MAGI1: variants seen among roughly 807,000 people sequenced by gnomAD.
MAGI1 encodes the protein membrane associated guanylate kinase, WW and PDZ domain containing 1, also known as membrane-associated guanylate kinase, WW and PDZ domain-containing protein 1.
MAGI1 carries 58 observed loss-of-function variants against 139.9 expected under a neutral mutation model. The observed-to-expected ratio is 0.41, with a 90% CI of 0.34 to 0.52. MAGI1 has a LOEUF of 0.52. Ranked by LOEUF, MAGI1 falls within the 20% of genes least tolerant of loss-of-function variation. The pLI is 0.12. For missense variants in MAGI1, 1,874 were observed against 1,901.6 expected, an observed-to-expected ratio of 0.99 and a Z score of 0.27; for synonymous variants, 812 against 737.9, an observed-to-expected ratio of 1.10 and a Z score of -1.63.
intron 5 of MAGI1, among the ~76,000 whole-genome samples, chr3:65,457,126 A>G (rs1170670096): frequency 6.6e-6 from 1 of 152,168 alleles, no homozygotes; most frequent in Non-Finnish European, 1.5e-5. Flanking sequence ...CTGTATATCC[A>G]TTTGGGGAGC....
intron 4 of MAGI1, among the ~76,000 whole-genome samples, chr3:65,478,018 A>G (rs1485310647): frequency 6.6e-6 from 1 of 152,076 alleles, no homozygotes; most frequent in African/African-American, 2.4e-5. Context: ...GAATGCATAT[A>G]TAGATATAAT....
chr3:65,749,220 G>C (rs975229983), intron 1 of MAGI1, among the ~76,000 whole-genome samples: 1 of 152,118 alleles, frequency 6.6e-6, no homozygotes, highest in Non-Finnish European at 1.5e-5. Flanking sequence ...TGAAGAGAGT[G>C]CCCAATGTCT....
chr3:65,806,647 C>T (rs2040872503), intron 1 of MAGI1, among the ~76,000 whole-genome samples: 1 of 152,172 alleles, frequency 6.6e-6, no homozygotes, highest in Non-Finnish European at 1.5e-5. Context: ...CTCAGTTAAA[C>T]TCCTTTAAAT....
intron 2 of MAGI1, among the ~76,000 whole-genome samples, chr3:65,516,925 T>C (rs1195689771): frequency 6.6e-6 from 1 of 150,656 alleles, no homozygotes; most frequent in Non-Finnish European, 1.5e-5. Context: ...AGACGGGGTT[T>C]CACCGTTTTA....
chr3:65,360,007 C>A, intron 22 of MAGI1: 1 of 985,324 alleles, frequency 1.0e-6, no homozygotes, highest in Non-Finnish European at 1.2e-6. Flanking sequence ...AAAATACTTC[C>A]CCTGTGGTTG....
At chr3:65,715,691 A>G (rs2032150212) in intron 1 of MAGI1, among the ~76,000 whole-genome samples, 1 of 152,228 alleles carries the variant, frequency 6.6e-6, no homozygotes, top group African/African-American at 2.4e-5. Context: ...AAGCAGATTT[A>G]TCACTTCTCT....
chr3:65,984,115 G>T (rs2065744036), intron 1 of MAGI1, among the ~76,000 whole-genome samples: 1 of 152,110 alleles, frequency 6.6e-6, no homozygotes, highest in Non-Finnish European at 1.5e-5. Flanking sequence ...CCAAGATGGT[G>T]AAACCCCATC....
intron 4 of MAGI1, 38 bp from the exon 5 acceptor site, chr3:65,470,522 A>G: frequency 5.0e-6 from 5 of 1,002,384 alleles, no homozygotes; most frequent in Non-Finnish European, 6.9e-6. Flanking sequence ...AGAGAGAGAG[A>G]GAAAAAAAAA....
intron 5 of MAGI1, among the ~76,000 whole-genome samples, chr3:65,462,196 G>A (rs1356631127): frequency 6.6e-6 from 1 of 152,146 alleles, no homozygotes; most frequent in African/African-American, 2.4e-5. Flanking sequence ...CTTTGCCCAT[G>A]CCTATGTCCG....
At chr3:65,480,725 A>G (rs1951228126) in intron 3 of MAGI1, among the ~76,000 whole-genome samples, 1 of 151,616 alleles carries the variant, frequency 6.6e-6, no homozygotes, top group Non-Finnish European at 1.5e-5. Flanking sequence ...AGCTGGAACT[A>G]TAGGCATGCA....
At chr3:65,901,533 A>G (rs933249272) in intron 1 of MAGI1, among the ~76,000 whole-genome samples, 13 of 152,202 alleles carry the variant, frequency 8.5e-5, no homozygotes, top group African/African-American at 2.7e-4. Flanking sequence ...AAGTTATGTG[A>G]TTTCAATTAA....
chr3:65,450,526 G>A (rs555062159), intron 6 of MAGI1, among the ~76,000 whole-genome samples: 1 of 152,176 alleles, frequency 6.6e-6, no homozygotes, highest in Non-Finnish European at 1.5e-5. Flanking sequence ...GAAACACTTT[G>A]TATATTACGT....
intron 2 of MAGI1, chr3:65,549,596 G>T: frequency 2.1e-6 from 1 of 472,742 alleles, no homozygotes; most frequent in Non-Finnish European, 2.8e-6. Flanking sequence ...CGGCGTCAAT[G>T]CGCGCTATTC....
intron 13 of MAGI1, among the ~76,000 whole-genome samples, chr3:65,397,922 C>T (rs947125502): frequency 4.6e-5 from 7 of 152,122 alleles, no homozygotes; most frequent in Admixed American, 1.3e-4. Flanking sequence ...TAATTCTTAT[C>T]CAATATTGGC....
chr3:65,741,148 C>A (rs1447325335), intron 1 of MAGI1, among the ~76,000 whole-genome samples: 1 of 151,566 alleles, frequency 6.6e-6, no homozygotes, highest in Non-Finnish European at 1.5e-5. Flanking sequence ...AACTGCAGTT[C>A]CATCAAAATA....
chr3:65,428,529 T>A (rs79036381), intron 12 of MAGI1, among the ~76,000 whole-genome samples: 1 of 152,062 alleles, frequency 6.6e-6, no homozygotes, highest in Non-Finnish European at 1.5e-5. Context: ...GAGGGAAGTG[T>A]TTAATATGAT....
At chr3:65,616,156 G>A (rs2083357109) in intron 2 of MAGI1, among the ~76,000 whole-genome samples, 1 of 152,094 alleles carries the variant, frequency 6.6e-6, no homozygotes, top group Admixed American at 6.6e-5. Flanking sequence ...TCTAATGCTT[G>A]TCTTCTTAAA....
intron 6 of MAGI1, among the ~76,000 whole-genome samples, chr3:65,449,929 T>A (rs1339897341): frequency 6.6e-6 from 1 of 152,160 alleles, no homozygotes; most frequent in Non-Finnish European, 1.5e-5. Context: ...CATGGAAAAA[T>A]TCCCTGAAGT....
intron 1 of MAGI1, among the ~76,000 whole-genome samples, chr3:65,790,374 T>C (rs565802971): frequency 6.6e-6 from 1 of 152,340 alleles, no homozygotes; most frequent in East Asian, 1.9e-4. Context: ...CACTGAGGCC[T>C]CCTTGCAAAA....
Sources: gnomAD v4.1 joint callset for allele counts (sites outside exome capture counted in the v4.1 genomes callset) on GRCh38, gnomAD v4.1.1 for gene constraint, MANE v1.5 for transcripts, NCBI Gene and HGNC (gene_info 2026-07-23, HGNC 2026-07-21) for gene names.